Variants in SH3YL1 observed in about 807,000 individuals in gnomAD.
SH3YL1 encodes SH3 and SYLF domain containing 1.
In SH3YL1, 41 loss-of-function variants were observed where a neutral mutation model predicts 45.8. The observed-to-expected ratio is 0.89, with a 90% CI of 0.70 to 1.16. The LOEUF (loss-of-function observed/expected upper bound fraction) is 1.16, where lower values mean the gene tolerates loss of function less well. Ranked by LOEUF, SH3YL1 falls within the 50% of genes most tolerant of loss-of-function variation. The pLI, the probability that SH3YL1 is intolerant of heterozygous loss-of-function variation, is 0.00. For missense variants in SH3YL1, 389 were observed against 409.6 expected (o/e 0.95, Z 0.43); for synonymous variants, 152 against 151.4 (o/e 1.00, Z -0.03).
intron 4 of SH3YL1, among the ~76,000 whole-genome samples, chr2:237,223 G>A (rs1348861083): frequency 6.6e-6 from 1 of 151,730 alleles, no homozygotes; most frequent in East Asian, 1.9e-4. Context: ...GTACATCGTG[G>A]TACAGTTAAG....
At position 218,740 on chromosome 2, in the gene SH3YL1, C is replaced by T. The variant is rs573775010; in HGVS notation, c.*71G>A. The T allele has an allele frequency of 4.7e-6, 6 of 1,263,498 alleles. No individual in the cohort carries two copies. The highest frequency in any genetic ancestry group is 2.0e-4 in the Middle Eastern group (1 of 4,944). 78.3% of individuals were successfully genotyped at this position (1,263,498 alleles called of 1,614,324 possible). A position where few individuals can be genotyped will look rare whatever the true frequency, so the allele number is the denominator to read the frequency against. On this transcript the variant is annotated 3_prime_UTR_variant, in exon 10 of 10. Transcript: ENST00000356150. ...TTTTTAAAATTTATATTAAACATTG[C>T]TTAACTAGTAAATCCTGTCAGTGTA...
chr2:231,264 G>A (rs1253889974), intron 6 of SH3YL1, 73 bp from the exon 7 acceptor site: 37 of 1,148,768 alleles, frequency 3.2e-5, no homozygotes, highest in African/African-American at 6.2e-5. Context: ...TAGCATGTGC[G>A]CACACACGGT....
chr2:251,508 C>CT (rs1669070789), intron 2 of SH3YL1, among the ~76,000 whole-genome samples: 2 of 152,168 alleles, frequency 1.3e-5, no homozygotes, highest in African/African-American at 4.8e-5. Context: ...AACAGAATTT[C>CT]TTTTTCTGAG....
intron 8 of SH3YL1, among the ~76,000 whole-genome samples, chr2:228,113 A>G (rs1667865043): frequency 6.6e-6 from 1 of 152,222 alleles, no homozygotes; most frequent in African/African-American, 2.4e-5. Flanking sequence ...CCTAGCCACA[A>G]AGGATGAAGC....
In SH3YL1 at chr2:218,805, T is replaced by C. The variant is rs746977529; in HGVS notation, c.*6A>G. 1.8e-5 allele frequency: 29 copies of C among 1,602,368 alleles called. No individual in the cohort carries two copies. Among genetic ancestry groups the C allele is most frequent in the Non-Finnish European group, 2.2e-5 (26 of 1,172,974 alleles). Reference sequence around the variant, plus strand: ...GTAATTCTCAAAGAAGAAAATAGTATACGCTTTAATTCATGGTTACGTAGT... The same window carrying C: ...GTAATTCTCAAAGAAGAAAATAGTACACGCTTTAATTCATGGTTACGTAGT... On this transcript the variant is annotated 3_prime_UTR_variant, in exon 10 of 10. Coordinates refer to ENST00000356150, the MANE Select transcript of SH3YL1 (RefSeq NM_015677.4).
intron 5 of SH3YL1, 30 bp downstream of exon 5, chr2:234,130 T>G (rs3748872): frequency 0.34 from 501,209 of 1,473,620 alleles, 88,489 homozygotes; most frequent in East Asian, 0.6. Context: ...GTTAAACCTT[T>G]ACTGTCTAAC....
At chr2:254,021 T>TA (rs1669197584) in intron 1 of SH3YL1, among the ~76,000 whole-genome samples, 1 of 152,204 alleles carries the variant, frequency 6.6e-6, no homozygotes. Context: ...ACCTCCCTGT[T>TA]ATGTATCTTC....
At chr2:251,466 T>C (rs562552252) in intron 2 of SH3YL1, among the ~76,000 whole-genome samples, 72 of 152,324 alleles carry the variant, frequency 4.7e-4, no homozygotes, top group African/African-American at 1.7e-3. Flanking sequence ...CACCCATGCT[T>C]TGGGGCAATC....
intron 2 of SH3YL1, among the ~76,000 whole-genome samples, chr2:251,558 T>C (rs1459165890): frequency 6.6e-6 from 1 of 152,204 alleles, no homozygotes; most frequent in East Asian, 1.9e-4. Flanking sequence ...ATACTGATAC[T>C]GAAAATCTAG....
chr2:230,900 G>A (rs1668003659), intron 7 of SH3YL1, 123 bp downstream of exon 7: 1 of 864,510 alleles, frequency 1.2e-6, no homozygotes, highest in African/African-American at 1.7e-5. Context: ...TCACAAGAAT[G>A]TGAAGTCAGT....
chr2:263,579 G>C (rs560785066), intron 1 of SH3YL1: 28 of 183,418 alleles, frequency 1.5e-4, no homozygotes, highest in Non-Finnish European at 3.0e-4. Flanking sequence ...CGGCGCCCTA[G>C]CCAAGGCCTC....
intron 2 of SH3YL1, among the ~76,000 whole-genome samples, chr2:250,991 G>T (rs1419580187): frequency 2.0e-5 from 3 of 152,204 alleles, no homozygotes; most frequent in African/African-American, 7.2e-5. Context: ...ACAGCCACCT[G>T]TTGGCAGAAT....
chr2:263,950 G>A, intron 1 of SH3YL1, 34 bp downstream of exon 1: 5 of 1,489,224 alleles, frequency 3.4e-6, no homozygotes, highest in Non-Finnish European at 4.5e-6. Context: ...AGAGGGGAGG[G>A]TGCTGCCGGA....
intron 8 of SH3YL1, among the ~76,000 whole-genome samples, chr2:229,199 G>T (rs1040269064): frequency 6.6e-6 from 1 of 152,094 alleles, no homozygotes; most frequent in Admixed American, 6.5e-5. Context: ...GAAAGATAAA[G>T]ACCAAAACCT....
chr2:247,951 T>C (rs1668904352), intron 3 of SH3YL1, among the ~76,000 whole-genome samples: 2 of 152,174 alleles, frequency 1.3e-5, no homozygotes, highest in South Asian at 4.1e-4. Context: ...ACAACTTAGC[T>C]GTAGGTCTAG....
chr2:263,878 A>AG, intron 1 of SH3YL1, 106 bp downstream of exon 1: 1 of 965,146 alleles, frequency 1.0e-6, no homozygotes, highest in Non-Finnish European at 1.6e-6. Context: ...CGCGCGACCT[A>AG]GAAACCCCAG....
chr2:234,382 A>G, intron 4 of SH3YL1, 110 bp from the exon 5 acceptor site: 1 of 727,008 alleles, frequency 1.4e-6, no homozygotes, highest in Non-Finnish European at 2.2e-6. Flanking sequence ...AAACATCAAT[A>G]GAGACAGGAA....
intron 5 of SH3YL1, 85 bp from the exon 6 acceptor site, chr2:233,314 A>T (rs1668136218): frequency 1.5e-6 from 2 of 1,306,938 alleles, no homozygotes; most frequent in African/African-American, 3.0e-5. Context: ...CTTCTAGCTC[A>T]AATGAATTAT....
intron 5 of SH3YL1, among the ~76,000 whole-genome samples, chr2:233,540 G>A (rs954151927): frequency 4.6e-5 from 7 of 152,096 alleles, no homozygotes; most frequent in African/African-American, 1.4e-4. Flanking sequence ...TTTTCCAACC[G>A]GATCTTCCTC....
Sources: allele counts gnomAD v4.1 joint callset (sites outside exome capture counted in the v4.1 genomes callset), GRCh38; gene constraint gnomAD v4.1.1; transcripts MANE v1.5; gene names NCBI Gene and HGNC (gene_info 2026-07-23, HGNC 2026-07-21).